The following ACO1 variants were observed in gnomAD, a reference collection of about 807,000 sequenced individuals.
The protein encoded by ACO1 is aconitase 1.
ACO1 carries 78 observed loss-of-function variants against 105.1 expected under a neutral mutation model. That is an observed-to-expected ratio of 0.74 (90% CI 0.62 to 0.90). The LOEUF (loss-of-function observed/expected upper bound fraction) is 0.90, where lower values mean the gene tolerates loss of function less well. Among genes scored for constraint, ACO1 ranks in the 40% least tolerant of loss-of-function variants. ACO1 has a pLI of 0.00. For missense variants in ACO1, 965 were observed against 1,111.1 expected (o/e 0.87, Z 1.87); for synonymous variants, 364 against 397.4 (o/e 0.92, Z 1.00).
chr9:32,436,864 G>A (rs898445744), intron 18 of ACO1, among the ~76,000 whole-genome samples: 7 of 152,192 alleles, frequency 4.6e-5, no homozygotes, highest in Non-Finnish European at 7.4e-5. Flanking sequence ...CCAGCTCCAC[G>A]TTATACTAGC....
At chr9:32,446,662 T>G (rs1211536846) in intron 19 of ACO1, among the ~76,000 whole-genome samples, 1 of 152,244 alleles carries the variant, frequency 6.6e-6, no homozygotes, top group Non-Finnish European at 1.5e-5. Context: ...CATTAGTTGA[T>G]GCAGTTTTTC....
At position 32,423,423 on chromosome 9, in the gene ACO1, TGA is replaced by T. The variant is rs1563939484; in HGVS notation, c.1071+8_1071+9del. On this transcript the variant is annotated splice_donor_5th_base_variant and intron_variant, in intron 9 of 20. Transcript: ENST00000309951. ...TCAAGACCCAGACTTCACCCAGGTA[TGA>T]GAGTGCCTTCCACTGTGCATGTATT... 1 of 1,570,866 alleles carries T rather than the reference TGA, an allele frequency of 6.4e-7. No individual in the cohort carries two copies. The highest frequency in any genetic ancestry group is 8.7e-7 in the Non-Finnish European group (1 of 1,149,124).
At chr9:32,437,409 G>T (rs577159494) in intron 18 of ACO1, among the ~76,000 whole-genome samples, 1 of 147,370 alleles carries the variant, frequency 6.8e-6, no homozygotes, top group African/African-American at 2.7e-5. Flanking sequence ...ACACAAACTC[G>T]TTCTTTAGAA....
chr9:32,408,593 C>G lies in ACO1; in HGVS notation c.346C>G (p.Pro116Ala), dbSNP rs536277060. 11 of 1,614,108 alleles carry G rather than the reference C, an allele frequency of 6.8e-6. No homozygotes were observed. Among genetic ancestry groups the G allele is most frequent in the Non-Finnish European group, 9.3e-6 (11 of 1,180,018 alleles). Residue 116 changes from proline (P) to alanine (A), a missense_variant, in exon 4 of 21, where the codon CCT (proline) becomes GCT (alanine). Physicochemically the swap from Pro to Ala is conservative, Grantham distance 27. Coordinates refer to ENST00000309951, the MANE Select transcript of ACO1 (RefSeq NM_002197.3). ...KLGGDPEKIN[P>A]VCPADLVIDH... is the part of the protein sequence containing the mutation. The stretch of plus-strand genomic sequence containing the variant: ...AGGAGGAGATCCAGAGAAAATAAAC[C>G]CTGTCTGCCCTGCTGATCTTGTAAT...
chr9:32,419,317 G>T, intron 7 of ACO1, 140 bp downstream of exon 7: 1 of 921,570 alleles, frequency 1.1e-6, no homozygotes. Context: ...TTTAAAAGGA[G>T]ATGAGGTAAG....
chr9:32,429,034 G>A (rs1016538026), intron 12 of ACO1, among the ~76,000 whole-genome samples: 4 of 152,086 alleles, frequency 2.6e-5, no homozygotes, highest in South Asian at 2.1e-4. Context: ...GAATGTATTC[G>A]TTGCCAAATA....
At chr9:32,436,550 T>C (rs1269240654) in intron 18 of ACO1, among the ~76,000 whole-genome samples, 153 bp downstream of exon 18, 2 of 152,248 alleles carry the variant, frequency 1.3e-5, no homozygotes, top group African/African-American at 2.4e-5. Flanking sequence ...TCCATATGCA[T>C]AGAATGTATC....
At chr9:32,430,315 A>G in intron 13 of ACO1, 103 bp from the exon 14 acceptor site, 1 of 1,212,902 alleles carries the variant, frequency 8.2e-7, no homozygotes. Flanking sequence ...AGGGCAGCTT[A>G]AAGGACTGTA....
chr9:32,446,252 T>C (rs893711567), intron 19 of ACO1, among the ~76,000 whole-genome samples: 4 of 152,220 alleles, frequency 2.6e-5, no homozygotes, highest in Non-Finnish European at 5.9e-5. Flanking sequence ...AGTCTCTTTG[T>C]AGGTCTCTAA....
At chr9:32,440,327 G>C in intron 18 of ACO1, 138 bp from the exon 19 acceptor site, 1 of 833,228 alleles carries the variant, frequency 1.2e-6, no homozygotes. Context: ...CAAGATAATT[G>C]GGAATTTGTA....
intron 14 of ACO1, among the ~76,000 whole-genome samples, chr9:32,431,085 T>A (rs1246290432): frequency 6.6e-6 from 1 of 152,240 alleles, no homozygotes; most frequent in Non-Finnish European, 1.5e-5. Context: ...CCTCGTTATT[T>A]GTGAGTTCTA....
chr9:32,410,339 A>C (rs559315016), intron 4 of ACO1, among the ~76,000 whole-genome samples: 4 of 152,280 alleles, frequency 2.6e-5, no homozygotes, highest in Non-Finnish European at 5.9e-5. Context: ...TGGGCGGATC[A>C]CAAGGTCAGG....
chr9:32,415,702 C>A (rs188732210), intron 4 of ACO1, among the ~76,000 whole-genome samples: 17 of 152,312 alleles, frequency 1.1e-4, no homozygotes, highest in African/African-American at 4.1e-4. Context: ...CTGCCTTGTT[C>A]TGCTATCCCG....
At position 32,430,407 on chromosome 9, in the gene ACO1, G is replaced by A; in HGVS notation, c.1570-11G>A. 1.9e-6 allele frequency: 3 copies of A among 1,601,504 alleles called. No individual in the cohort carries two copies. The highest frequency in any genetic ancestry group is 2.6e-6 in the Non-Finnish European group (3 of 1,175,538). ...CTTTTAGTGACCTGATTTTTCTCTT[G>A]CCTTACTCAGGGAGACCTTGTAGCT... is the stretch of plus-strand genomic sequence containing the variant. On this transcript the variant is annotated splice_polypyrimidine_tract_variant and intron_variant, in intron 13 of 20. Transcript: ENST00000309951.
intron 12 of ACO1, among the ~76,000 whole-genome samples, chr9:32,428,226 G>C (rs936963119): frequency 6.7e-6 from 1 of 149,382 alleles, no homozygotes; most frequent in Admixed American, 6.7e-5. Flanking sequence ...TGAGGTTGCA[G>C]TGAGCTATGA....
intron 20 of ACO1, among the ~76,000 whole-genome samples, chr9:32,449,695 G>A (rs1238276957): frequency 1.3e-5 from 2 of 152,198 alleles, no homozygotes; most frequent in African/African-American, 2.4e-5. Context: ...CCACCCTGAT[G>A]TCATTAATAG....
In ACO1 at chr9:32,420,918, G is replaced by C. The variant is rs764435518; in HGVS notation, c.861G>C (p.Gln287His). Residue 287 changes from glutamine (Q) to histidine (H), a missense_variant, in exon 8 of 21, where the codon CAG becomes CAC. Physicochemically the swap from Gln to His is conservative, Grantham distance 24. Coordinates refer to ENST00000309951, the MANE Select transcript of ACO1 (RefSeq NM_002197.3). The stretch of plus-strand genomic sequence containing the variant: ...AGTTCTTCGGGCCTGGAGTAGCCCA[G>C]TTGTCCATTGCTGACCGAGCTACGA... ...FVEFFGPGVAQLSIADRATIA... is the reference protein window; with the variant it reads ...FVEFFGPGVAHLSIADRATIA... 3 of 1,614,088 alleles carry C rather than the reference G, an allele frequency of 1.9e-6. No individual in the cohort carries two copies. Among genetic ancestry groups the C allele is most frequent in the Admixed American group, 3.3e-5 (2 of 60,020 alleles).
chr9:32,416,063 GAAAA>G (rs1229692652), intron 4 of ACO1, among the ~76,000 whole-genome samples: 1 of 147,968 alleles, frequency 6.8e-6, no homozygotes, highest in African/African-American at 2.5e-5. Context: ...CATATCAAGA[GAAAA>G]AAAATCTGTG....
chr9:32,411,433 AAC>A (rs1237611675), intron 4 of ACO1, among the ~76,000 whole-genome samples: 5 of 152,204 alleles, frequency 3.3e-5, no homozygotes, highest in African/African-American at 7.2e-5. Flanking sequence ...CAACGAATGA[AAC>A]ACGGAAAAAA....
Sources: allele counts gnomAD v4.1 joint callset (sites outside exome capture counted in the v4.1 genomes callset), GRCh38; gene constraint gnomAD v4.1.1; transcripts MANE v1.5; gene names NCBI Gene and HGNC (gene_info 2026-07-23, HGNC 2026-07-21).